The following BMP2K variants were observed in gnomAD, a reference collection of about 807,000 sequenced individuals.
BMP2K encodes the protein BMP2 inducible kinase, also known as BMP-2-inducible protein kinase.
A neutral mutation model predicts 116.0 loss-of-function variants in BMP2K; 74 were observed. The observed-to-expected ratio is 0.64, with a 90% CI of 0.53 to 0.77. The LOEUF (loss-of-function observed/expected upper bound fraction) is 0.77, where lower values mean the gene tolerates loss of function less well. BMP2K is among the 30% of genes least tolerant of loss of function. The probability of loss-of-function intolerance (pLI) is 0.00; values close to 1 mark genes in which losing one functional copy is unlikely to be tolerated. For synonymous variants in BMP2K, 486 were observed against 502.5 expected (o/e 0.97, Z 0.44); for missense variants, 1,365 against 1,403.6 (o/e 0.97, Z 0.44).
At chr4:78,834,163 A>C (rs1414590516) in intron 3 of BMP2K, among the ~76,000 whole-genome samples, 1 of 152,070 alleles carries the variant, frequency 6.6e-6, no homozygotes, top group Admixed American at 6.5e-5. Context: ...ATAGAAAATC[A>C]CATTTTATTT....
At chr4:78,802,325 A>G (rs749650660) in intron 1 of BMP2K, among the ~76,000 whole-genome samples, 5 of 152,162 alleles carry the variant, frequency 3.3e-5, no homozygotes, top group Non-Finnish European at 5.9e-5. Flanking sequence ...TTTTGTCTCG[A>G]AAGAATTGTC....
At chr4:78,812,771 G>A (rs565742877) in intron 1 of BMP2K, among the ~76,000 whole-genome samples, 6 of 152,268 alleles carry the variant, frequency 3.9e-5, no homozygotes, top group African/African-American at 1.4e-4. Flanking sequence ...GGTGGCTCAT[G>A]CTTGTGATCA....
At chr4:78,870,694 TA>T in intron 10 of BMP2K, 88 bp from the exon 11 acceptor site, 4 of 1,485,924 alleles carry the variant, frequency 2.7e-6, no homozygotes, top group Non-Finnish European at 2.7e-6. Flanking sequence ...ATGCCTTAGT[TA>T]AATTATTATT....
intron 1 of BMP2K, among the ~76,000 whole-genome samples, chr4:78,794,574 AT>A (rs564575551): frequency 2.7e-5 from 4 of 150,940 alleles, no homozygotes; most frequent in East Asian, 1.9e-4. Flanking sequence ...TAATCATTCT[AT>A]TTTTTTTTCT....
At chr4:78,812,948 G>A (rs1284413851) in intron 1 of BMP2K, among the ~76,000 whole-genome samples, 2 of 152,064 alleles carry the variant, frequency 1.3e-5, no homozygotes, top group Non-Finnish European at 2.9e-5. Context: ...GGAGGCTGAG[G>A]TGGGAGGATC....
intron 2 of BMP2K, among the ~76,000 whole-genome samples, chr4:78,827,766 A>T (rs1729947647): frequency 6.7e-6 from 1 of 149,728 alleles, no homozygotes; most frequent in South Asian, 2.1e-4. Context: ...CTGTAAAAAC[A>T]AAACAAAACA....
chr4:78,800,820 T>C (rs1260652435), intron 1 of BMP2K, among the ~76,000 whole-genome samples: 1 of 152,212 alleles, frequency 6.6e-6, no homozygotes, highest in African/African-American at 2.4e-5. Flanking sequence ...TTAAATACAA[T>C]AAATGTAATA....
At chr4:78,901,280 C>CT (rs11452797) in intron 15 of BMP2K, among the ~76,000 whole-genome samples, 20,144 of 151,066 alleles carry the variant, frequency 0.13, 2,479 homozygotes, top group African/African-American at 0.33. Flanking sequence ...AGGCTTGTCT[C>CT]TAATTCCTGG....
rs1052396723 is a variant in BMP2K at position 78,868,570 on chromosome 4, C to A, written c.1232-2213C>A. ...AACCCAAAAGTCCACAGTCCAAGGT[C>A]TCCTCTGAGACAGGGCAAGTCCCTT... On this transcript the variant is annotated intron_variant, in intron 10 of 15. Coordinates refer to ENST00000502613, the MANE Select transcript of BMP2K (RefSeq NM_198892.2). Among the ~76,000 whole-genome samples the A allele has an allele frequency of 2.6e-5, 4 of 152,316 alleles. No homozygotes were observed. In the East Asian group the frequency reaches 7.7e-4, roughly 29 times the overall value.
intron 3 of BMP2K, among the ~76,000 whole-genome samples, chr4:78,834,967 G>A (rs529877166): frequency 2.8e-4 from 42 of 152,246 alleles, no homozygotes; most frequent in African/African-American, 9.9e-4. Context: ...TTTAGGAGAA[G>A]ATGCTGATTT....
At chr4:78,837,687 T>A (rs920819188) in intron 3 of BMP2K, among the ~76,000 whole-genome samples, 1 of 152,140 alleles carries the variant, frequency 6.6e-6, no homozygotes, top group African/African-American at 2.4e-5. Context: ...TGAGACAAGG[T>A]CTCACTCTGT....
chr4:78,787,326 A>G (rs966580990), intron 1 of BMP2K, among the ~76,000 whole-genome samples: 5 of 152,200 alleles, frequency 3.3e-5, no homozygotes, highest in Admixed American at 6.5e-5. Flanking sequence ...TGGATGAAAA[A>G]ATACTACCAG....
intron 15 of BMP2K, among the ~76,000 whole-genome samples, chr4:78,897,614 T>C (rs1733770775): frequency 6.6e-6 from 1 of 152,194 alleles, no homozygotes; most frequent in Non-Finnish European, 1.5e-5. Context: ...TGTAAAACTT[T>C]TTGATCCTTT....
At chr4:78,828,698 A>G (rs184728877) in intron 2 of BMP2K, among the ~76,000 whole-genome samples, 6 of 152,380 alleles carry the variant, frequency 3.9e-5, no homozygotes, top group Admixed American at 6.5e-5. Context: ...GTATCATAAC[A>G]TCACAACACT....
chr4:78,814,979 C>T (rs191671115), intron 1 of BMP2K, among the ~76,000 whole-genome samples: 58 of 152,068 alleles, frequency 3.8e-4, no homozygotes, highest in African/African-American at 1.4e-3. Context: ...TTTTTTCCCC[C>T]AATTTGGGAA....
chr4:78,901,789 T>C (rs1734019880), intron 15 of BMP2K, among the ~76,000 whole-genome samples: 1 of 152,146 alleles, frequency 6.6e-6, no homozygotes, highest in African/African-American at 2.4e-5. Flanking sequence ...ATTCTAAAAT[T>C]GTATTTGAAG....
At chr4:78,793,165 A>G (rs1218023844) in intron 1 of BMP2K, among the ~76,000 whole-genome samples, 1 of 152,108 alleles carries the variant, frequency 6.6e-6, no homozygotes, top group Non-Finnish European at 1.5e-5. Flanking sequence ...TAATCCCAGC[A>G]CTTTGGGAGG....
chr4:78,813,494 C>T (rs1190813387), intron 1 of BMP2K, among the ~76,000 whole-genome samples: 1 of 152,200 alleles, frequency 6.6e-6, no homozygotes, highest in Non-Finnish European at 1.5e-5. Flanking sequence ...CATGATCTGG[C>T]TCTCTGTTTA....
At chr4:78,794,015 G>T (rs1728133415) in intron 1 of BMP2K, among the ~76,000 whole-genome samples, 1 of 151,986 alleles carries the variant, frequency 6.6e-6, no homozygotes, top group African/African-American at 2.4e-5. Flanking sequence ...ATTCGCCTGG[G>T]GTTCATAAAC....
Sources: allele counts gnomAD v4.1 joint callset (sites outside exome capture counted in the v4.1 genomes callset), GRCh38; gene constraint gnomAD v4.1.1; transcripts MANE v1.5; gene names NCBI Gene and HGNC (gene_info 2026-07-23, HGNC 2026-07-21).